The following CHRM3 variants were observed in gnomAD, a reference collection of about 807,000 sequenced individuals.
The protein encoded by CHRM3 is cholinergic receptor muscarinic 3.
In CHRM3, 11 loss-of-function variants were observed where a neutral mutation model predicts 41.8. That is an observed-to-expected ratio of 0.26 (90% CI 0.17 to 0.44). CHRM3 has a LOEUF of 0.44. CHRM3 is among the 20% of genes least tolerant of loss of function. CHRM3 has a pLI of 1.00. For missense variants in CHRM3, 571 were observed against 745.4 expected (o/e 0.77, Z 2.72); for synonymous variants, 297 against 301.4 (o/e 0.99, Z 0.15).
intron 2 of CHRM3, among the ~76,000 whole-genome samples, chr1:239,526,779 A>G (rs113646914): frequency 2.0e-4 from 30 of 152,328 alleles, no homozygotes; most frequent in African/African-American, 7.0e-4. Flanking sequence ...AACCACATTA[A>G]TAATGACGAG....
At chr1:239,405,007 GCTGT>G (rs1244273390) in intron 1 of CHRM3, among the ~76,000 whole-genome samples, 10 of 151,908 alleles carry the variant, frequency 6.6e-5, no homozygotes, top group Admixed American at 2.6e-4. Context: ...GTCTAGAACT[GCTGT>G]CTAAGTGCAA....
Position 239,533,731 on chromosome 1 carries a change from CAAAA to C in CHRM3, c.-421-11894_-421-11891del, listed in dbSNP as rs61441846. Among the ~76,000 whole-genome samples the C allele has an allele frequency of 4.5e-3, 166 of 37,066 alleles. 1 individual carries two copies. The highest frequency in any genetic ancestry group is 6.9e-3 in the Admixed American group (24 of 3,460). The allele number at this position is 37,066 out of a possible 152,430, so 24.3% of individuals were successfully genotyped here. A position where few individuals can be genotyped will look rare whatever the true frequency, so the allele number is the denominator to read the frequency against. ...GGGCAACAAGAGCCAAACTCTGTCT[CAAAA>C]AAAAAAAAAAAAAAACAAAAAAACC... On this transcript the variant is annotated intron_variant, in intron 2 of 6. Transcript: ENST00000676153.
intron 5 of CHRM3, among the ~76,000 whole-genome samples, chr1:239,812,065 A>C (rs952890445): frequency 7.2e-5 from 11 of 152,172 alleles, no homozygotes; most frequent in African/African-American, 2.7e-4. Context: ...TGTGAGACAG[A>C]ATCTCCCTTT....
At chr1:239,721,163 G>A (rs181171513) in intron 5 of CHRM3, among the ~76,000 whole-genome samples, 15 of 151,868 alleles carry the variant, frequency 9.9e-5, no homozygotes, top group African/African-American at 3.6e-4. Context: ...AAATCCAATG[G>A]GTTTTAGTTT....
At chr1:239,760,893 C>A (rs546993670) in intron 5 of CHRM3, among the ~76,000 whole-genome samples, 2 of 152,294 alleles carry the variant, frequency 1.3e-5, no homozygotes, top group South Asian at 4.1e-4. Context: ...CTTCTTGAAT[C>A]TATGCGCTTG....
chr1:239,443,459 C>A (rs1480485308), intron 1 of CHRM3, among the ~76,000 whole-genome samples: 1 of 152,094 alleles, frequency 6.6e-6, no homozygotes, highest in Non-Finnish European at 1.5e-5. Flanking sequence ...AAAAAAACTT[C>A]CAGTAACCTC....
chr1:239,822,397 C>T (rs1672125743), intron 5 of CHRM3, among the ~76,000 whole-genome samples: 1 of 152,140 alleles, frequency 6.6e-6, no homozygotes, highest in African/African-American at 2.4e-5. Flanking sequence ...TGCAAGAGAG[C>T]TTTTCTACTT....
At chr1:239,770,326 C>G (rs1332781516) in intron 5 of CHRM3, among the ~76,000 whole-genome samples, 1 of 152,112 alleles carries the variant, frequency 6.6e-6, no homozygotes, top group East Asian at 1.9e-4. Flanking sequence ...TTCCTCATCT[C>G]AGTTTAATCA....
chr1:239,594,419 G>A (rs569166501), intron 3 of CHRM3, among the ~76,000 whole-genome samples: 2 of 152,278 alleles, frequency 1.3e-5, no homozygotes, highest in East Asian at 1.9e-4. Flanking sequence ...GTATCCATAC[G>A]ACAATATCAT....
chr1:239,674,412 A>G (rs1230273296), intron 4 of CHRM3, among the ~76,000 whole-genome samples: 1 of 152,108 alleles, frequency 6.6e-6, no homozygotes, highest in African/African-American at 2.4e-5. Context: ...AGTGTGGCTT[A>G]ATTAGCAAAA....
intron 5 of CHRM3, among the ~76,000 whole-genome samples, chr1:239,686,321 GT>G (rs772945571): frequency 4.6e-5 from 7 of 152,124 alleles, no homozygotes; most frequent in Non-Finnish European, 1.0e-4. Flanking sequence ...TGAATCATAT[GT>G]TCCACTGCTC....
At chr1:239,870,640 G>A (rs1013825790) in intron 6 of CHRM3, among the ~76,000 whole-genome samples, 2 of 152,040 alleles carry the variant, frequency 1.3e-5, no homozygotes, top group Admixed American at 6.5e-5. Flanking sequence ...GGAAACAAAA[G>A]TACCTCCTCT....
At chr1:239,865,224 C>T (rs1675989669) in intron 6 of CHRM3, among the ~76,000 whole-genome samples, 1 of 151,920 alleles carries the variant, frequency 6.6e-6, no homozygotes, top group Admixed American at 6.5e-5. Context: ...TGGAGAACTA[C>T]ATGTATAGGA....
chr1:239,853,803 A>T (rs1674889082), intron 6 of CHRM3, among the ~76,000 whole-genome samples: 1 of 152,090 alleles, frequency 6.6e-6, no homozygotes, highest in Non-Finnish European at 1.5e-5. Context: ...TAATGGAAGA[A>T]ATTCCATCTT....
intron 3 of CHRM3, among the ~76,000 whole-genome samples, chr1:239,618,836 T>C (rs1414247925): frequency 7.2e-4 from 87 of 120,946 alleles, no homozygotes; most frequent in African/African-American, 2.7e-3. Flanking sequence ...AGAGCGAGAC[T>C]CTGTCAGAAA....
At chr1:239,439,252 G>A (rs1442817223) in intron 1 of CHRM3, among the ~76,000 whole-genome samples, 1 of 152,158 alleles carries the variant, frequency 6.6e-6, no homozygotes, top group Admixed American at 6.6e-5. Flanking sequence ...AATATCCCAG[G>A]TGGTCATGTC....
Position 239,702,872 on chromosome 1 carries a change from G to T in CHRM3, c.-147+24584G>T, listed in dbSNP as rs191189858. On this transcript the variant is annotated intron_variant, in intron 5 of 6. Coordinates refer to ENST00000676153, the MANE Select transcript of CHRM3 (RefSeq NM_001375978.1). ...TAGCCTGTTACAGGTAACTTTCTTT[G>T]TGTGTCCTGATTCATAGTATATTTA... is the stretch of plus-strand genomic sequence containing the variant. 7.2e-3 allele frequency among the ~76,000 whole-genome samples: 1,097 copies of T among 152,288 alleles called. 5 individuals are homozygous for T. The highest frequency in any genetic ancestry group is 0.011 in the Non-Finnish European group (732 of 68,030).
intron 5 of CHRM3, among the ~76,000 whole-genome samples, chr1:239,685,128 T>G (rs187280715): frequency 1.9e-3 from 282 of 152,300 alleles, no homozygotes; most frequent in Non-Finnish European, 2.4e-3. Context: ...ATATCACGAT[T>G]CATGACACAT....
At chr1:239,546,212 T>C (rs1223226330) in intron 3 of CHRM3, 1 of 152,142 alleles carries the variant, frequency 6.6e-6, no homozygotes, top group Non-Finnish European at 1.5e-5. Flanking sequence ...ATTTACGGTG[T>C]TGTGGAAAGA....
Sources: gnomAD v4.1 joint callset for allele counts (sites outside exome capture counted in the v4.1 genomes callset) on GRCh38, gnomAD v4.1.1 for gene constraint, MANE v1.5 for transcripts, NCBI Gene and HGNC (gene_info 2026-07-23, HGNC 2026-07-21) for gene names.